The following ACTR1A variants were observed in gnomAD, a reference collection of about 807,000 sequenced individuals.
ACTR1A encodes actin related protein 1A.
Under a neutral mutation model 50.7 loss-of-function variants are expected in ACTR1A, and 10 were observed. The ratio of observed to expected loss-of-function variants is 0.20; its 90% CI spans 0.12 to 0.33. The LOEUF (loss-of-function observed/expected upper bound fraction) is 0.33, where lower values mean the gene tolerates loss of function less well. Among genes scored for constraint, ACTR1A ranks in the 10% least tolerant of loss-of-function variants. The pLI is 1.00. For synonymous variants in ACTR1A, 177 were observed against 184.2 expected, an observed-to-expected ratio of 0.96 and a Z score of 0.32; for missense variants, 253 against 491.7, an observed-to-expected ratio of 0.51 and a Z score of 4.59.
rs553061756 is a variant in ACTR1A, at chr10:102,482,412, T to C, written c.751-237A>G. 1.6e-5 allele frequency: 9 copies of C among 568,560 alleles called. No individual in the cohort carries two copies. Among genetic ancestry groups the C allele is most frequent in the Non-Finnish European group, 2.5e-5 (8 of 319,654 alleles). 35.2% of individuals were successfully genotyped at this position (568,560 alleles called of 1,614,324 possible). A position where few individuals can be genotyped will look rare whatever the true frequency, so the allele number is the denominator to read the frequency against. The stretch of plus-strand genomic sequence containing the variant: ...CTGGCATTTTCCAGCCAAGAGGTCT[T>C]TGGCATCAGTACATGGATTTATTTG... On this transcript the variant is annotated intron_variant, in intron 7 of 10. Transcript: ENST00000369905. This position sits in a 1 kb window ranked among gnomAD's most constrained non-coding sequence, Gnocchi z 5.6.
intron 4 of ACTR1A, among the ~76,000 whole-genome samples, chr10:102,486,003 T>C (rs908886522): frequency 3.9e-5 from 6 of 152,192 alleles, no homozygotes; most frequent in Admixed American, 1.3e-4. Flanking sequence ...TACAGGCCCC[T>C]GTGTCTACTG....
At position 102,480,826 on chromosome 10, in the gene ACTR1A, G is replaced by A. The variant is rs2062135382; in HGVS notation, c.*37C>T. On this transcript the variant is annotated 3_prime_UTR_variant, in exon 11 of 11. Transcript: ENST00000369905. ...TCAAGAAAGCGAGTTTTAAAGTGGA[G>A]TTAACTTCAGAGAGAGGTGAAGATG... 4.6e-6 allele frequency: 7 copies of A among 1,531,818 alleles called. No homozygotes were observed. Among genetic ancestry groups the A allele is most frequent in the Non-Finnish European group, 5.4e-6 (6 of 1,105,932 alleles). The allele number at this position is 1,531,818 out of a possible 1,614,324, so 94.9% of individuals were successfully genotyped here. A position where few individuals can be genotyped will look rare whatever the true frequency, so the allele number is the denominator to read the frequency against.
intron 1 of ACTR1A, among the ~76,000 whole-genome samples, chr10:102,499,578 G>C (rs1346322767): frequency 6.6e-6 from 1 of 152,206 alleles, no homozygotes; most frequent in Non-Finnish European, 1.5e-5. Context: ...AGACGCATTA[G>C]TGTAAGTGAT....
At chr10:102,490,400 AG>A in intron 2 of ACTR1A, 148 bp downstream of exon 2, 2 of 458,382 alleles carry the variant, frequency 4.4e-6, no homozygotes, top group Non-Finnish European at 7.7e-6. Context: ...ATTTTTAAAA[AG>A]AGGCCTCTTA....
At chr10:102,484,570 G>A (rs1481284985) in intron 5 of ACTR1A, among the ~76,000 whole-genome samples, 194 bp from the exon 6 acceptor site, 1 of 152,144 alleles carries the variant, frequency 6.6e-6, no homozygotes, top group African/African-American at 2.4e-5. Context: ...GGAAGTTGCT[G>A]ATCTTCTCCA....
intron 1 of ACTR1A, among the ~76,000 whole-genome samples, chr10:102,501,154 T>C (rs2062249555): frequency 1.3e-5 from 2 of 148,172 alleles, no homozygotes; most frequent in Non-Finnish European, 1.5e-5. Context: ...AAAAACAAAA[T>C]ACCCATGGAG....
rs1180449435 is a variant in ACTR1A at position 102,482,448 on chromosome 10, C to T, written c.751-273G>A. ...ACATGGATTTATTTGCTCATGGAAA[C>T]GTCTTCCTAGCAATGGGGGTTCAAG... On this transcript the variant is annotated intron_variant, in intron 7 of 10. Coordinates refer to ENST00000369905, the MANE Select transcript of ACTR1A (RefSeq NM_005736.4). This position sits in a 1 kb window ranked among gnomAD's most constrained non-coding sequence, Gnocchi z 5.6. The T allele has an allele frequency of 2.7e-5, 13 of 486,476 alleles. No homozygotes were observed. The highest frequency in any genetic ancestry group is 3.3e-5 in the Non-Finnish European group (9 of 271,460). The allele number at this position is 486,476 out of a possible 1,614,324, so 30.1% of individuals were successfully genotyped here. A position where few individuals can be genotyped will look rare whatever the true frequency, so the allele number is the denominator to read the frequency against.
At chr10:102,500,915 A>T (rs1453388684) in intron 1 of ACTR1A, among the ~76,000 whole-genome samples, 3 of 151,672 alleles carry the variant, frequency 2.0e-5, no homozygotes, top group African/African-American at 7.3e-5. Flanking sequence ...TACAAAAAAT[A>T]CAAAAATTAG....
At position 102,502,606 on chromosome 10, in the gene ACTR1A, G is replaced by T. The variant is rs765574992; in HGVS notation, c.42C>A (p.Ile14=). 5.6e-6 allele frequency: 9 copies of T among 1,614,082 alleles called. No individual in the cohort carries two copies. Among genetic ancestry groups the T allele is most frequent in the Admixed American group, 1.7e-5 (1 of 60,006 alleles). ...TAGGAAAGACGCAACTCACGTTGTC[G>T]ATCACGACAGGCTGGTTGGCGATCA... The part of the protein sequence containing the change: ...YDVIANQPVV[I]DNGSGVIKAG... Residue 14 remains isoleucine (I), a synonymous_variant, in exon 1 of 11, where the codon ATC becomes ATA. Coordinates refer to ENST00000369905, the MANE Select transcript of ACTR1A (RefSeq NM_005736.4).
intron 4 of ACTR1A, among the ~76,000 whole-genome samples, chr10:102,487,389 G>T (rs1280732576): frequency 1.3e-5 from 2 of 152,004 alleles, no homozygotes. Context: ...ACTCCAGCCT[G>T]GCCAACAAGA....
At chr10:102,487,734 C>A (rs911739081) in intron 4 of ACTR1A, among the ~76,000 whole-genome samples, 1 of 151,682 alleles carries the variant, frequency 6.6e-6, no homozygotes, top group Non-Finnish European at 1.5e-5. Context: ...CGGGTTCACG[C>A]CATTCTCCTG....
At chr10:102,497,171 G>GATA (rs1360158998) in intron 1 of ACTR1A, among the ~76,000 whole-genome samples, 1 of 69,770 alleles carries the variant, frequency 1.4e-5, no homozygotes. Flanking sequence ...TCCATCTCAG[G>GATA]AAAAAAAAAA....
chr10:102,501,082 AAG>A (rs1487311372), intron 1 of ACTR1A, among the ~76,000 whole-genome samples: 1 of 151,998 alleles, frequency 6.6e-6, no homozygotes, highest in African/African-American at 2.4e-5. Context: ...AAAAAAAAAA[AAG>A]AAAAAAAAAA....
At chr10:102,487,046 T>C (rs564083326) in intron 4 of ACTR1A, among the ~76,000 whole-genome samples, 5 of 152,042 alleles carry the variant, frequency 3.3e-5, no homozygotes, top group African/African-American at 1.2e-4. Context: ...CCACCCAAAG[T>C]GCTGGGATTA....
At chr10:102,484,462 C>G in intron 5 of ACTR1A, 86 bp from the exon 6 acceptor site, 1 of 1,212,168 alleles carries the variant, frequency 8.2e-7, no homozygotes, top group Non-Finnish European at 1.2e-6. Context: ...TCAATGTCAG[C>G]TAAACTAAAG....
chr10:102,482,359 G>C lies in ACTR1A; in HGVS notation c.751-184C>G, dbSNP rs2062147450. ...AGATAGGCCTCCTGGAAACTAGTGA[G>C]GGGAGGCTCCTATATTTCCTTCTCG... On this transcript the variant is annotated intron_variant, in intron 7 of 10. Coordinates refer to ENST00000369905, the MANE Select transcript of ACTR1A (RefSeq NM_005736.4). This position sits in a 1 kb window ranked among gnomAD's most constrained non-coding sequence, Gnocchi z 5.6. 10 of 611,214 alleles carry C rather than the reference G, an allele frequency of 1.6e-5. No individual in the cohort carries two copies. In the South Asian group the frequency reaches 2.0e-4, roughly 12 times the overall value. The allele number at this position is 611,214 out of a possible 1,614,324, so 37.9% of individuals were successfully genotyped here.
intron 1 of ACTR1A, among the ~76,000 whole-genome samples, chr10:102,494,094 T>C (rs117390258): frequency 1.7e-4 from 26 of 152,360 alleles, no homozygotes; most frequent in Non-Finnish European, 3.5e-4. Flanking sequence ...TGTCCATTTC[T>C]TTAACAGTAT....
chr10:102,481,144 G>C lies in ACTR1A; in HGVS notation c.1016C>G (p.Ser339Cys). 6.2e-7 allele frequency: 1 copy of C among 1,607,882 alleles called. No individual in the cohort carries two copies. Among genetic ancestry groups the C allele is most frequent in the Non-Finnish European group, 8.5e-7 (1 of 1,176,696 alleles). ...AAGAGCTACTCACCCAATCCACGTG[G>C]AATACAGTCTCTCCTGAGGTGCAGA... The part of the protein sequence containing the change: ...RISAPQERLY[S>C]TWIGGSILAS... Residue 339 changes from serine to cysteine, a missense_variant, in exon 10 of 11, where the codon TCC (serine) becomes TGC (cysteine). By Grantham distance (112) the Ser-to-Cys change is moderately radical (BLOSUM62 -1). This residue lies in a region of ACTR1A where 27 missense variants were observed against 80.7 expected (regional missense o/e 0.33). Transcript: ENST00000369905.
chr10:102,485,185 A>T (rs1368521781), intron 5 of ACTR1A, among the ~76,000 whole-genome samples: 1 of 151,972 alleles, frequency 6.6e-6, no homozygotes, highest in Non-Finnish European at 1.5e-5. Context: ...GTGTGACAGG[A>T]GCCACGGGGG....
Sources: allele counts gnomAD v4.1 joint callset (sites outside exome capture counted in the v4.1 genomes callset), GRCh38; gene constraint gnomAD v4.1.1; regional missense constraint gnomAD v4.1.1; non-coding constraint Gnocchi (gnomAD v3.1); transcripts MANE v1.5; gene names NCBI Gene and HGNC (gene_info 2026-07-23, HGNC 2026-07-21).